The following GABRB1 variants were observed in gnomAD, a reference collection of about 807,000 sequenced individuals.
The protein encoded by GABRB1 is gamma-aminobutyric acid type A receptor subunit beta1, also known as gamma-aminobutyric acid receptor subunit beta-1.
GABRB1 carries 17 observed loss-of-function variants against 51.6 expected under a neutral mutation model. The ratio of observed to expected loss-of-function variants is 0.33; its 90% CI spans 0.23 to 0.49. GABRB1 has a LOEUF of 0.49. Among genes scored for constraint, GABRB1 ranks in the 20% least tolerant of loss-of-function variants. The probability of loss-of-function intolerance (pLI) is 0.99; values close to 1 mark genes in which losing one functional copy is unlikely to be tolerated. For missense variants in GABRB1, 410 were observed against 600.6 expected (o/e 0.68, Z 3.32); for synonymous variants, 247 against 218.9 (o/e 1.13, Z -1.14).
Position 47,332,995 on chromosome 4 carries a change from A to T in GABRB1, c.544+12786A>T, listed in dbSNP as rs577058374. Among the ~76,000 whole-genome samples the T allele has an allele frequency of 2.6e-5, 4 of 151,218 alleles. No homozygotes were observed. The South Asian group carries it at 8.3e-4, about 31-fold the overall frequency. On this transcript the variant is annotated intron_variant, in intron 5 of 8. Transcript: ENST00000295454. ...ACCAATGGACCCTGCCTTACATTAG[A>T]ATTAAGTGCTCCAGCTTAATATTCA...
At chr4:47,007,522 A>G (rs1188223278) in intron 1 of GABRB1, among the ~76,000 whole-genome samples, 1 of 152,216 alleles carries the variant, frequency 6.6e-6, no homozygotes, top group African/African-American at 2.4e-5. Context: ...CTTCACTGAC[A>G]TAGAGAGAAT....
chr4:47,233,297 C>T lies in GABRB1; in HGVS notation c.461+71828C>T, dbSNP rs142128363. Reference sequence around the variant, plus strand: ...ATAAAATGAAGCTAATTGCATCACTCGCTTACTCAAAAACCTCCCTGAACC... The same window carrying T: ...ATAAAATGAAGCTAATTGCATCACTTGCTTACTCAAAAACCTCCCTGAACC... On this transcript the variant is annotated intron_variant, in intron 4 of 8. Coordinates refer to ENST00000295454, the MANE Select transcript of GABRB1 (RefSeq NM_000812.4). Among the ~76,000 whole-genome samples the T allele has an allele frequency of 1.5e-3, 223 of 152,226 alleles. 1 individual carries two copies. The highest frequency in any genetic ancestry group is 5.1e-3 in the African/African-American group (211 of 41,536).
intron 4 of GABRB1, among the ~76,000 whole-genome samples, chr4:47,216,212 T>C (rs542082594): frequency 7.9e-5 from 12 of 152,086 alleles, no homozygotes; most frequent in African/African-American, 2.9e-4. Flanking sequence ...TCCCCTTCAG[T>C]GCATTCAGTT....
intron 5 of GABRB1, among the ~76,000 whole-genome samples, chr4:47,340,818 C>T (rs1725865179): frequency 1.3e-5 from 2 of 152,260 alleles, no homozygotes; most frequent in South Asian, 4.2e-4. Context: ...AAAATTTTCA[C>T]CATCTTTTCT....
intron 3 of GABRB1, among the ~76,000 whole-genome samples, chr4:47,135,078 C>T (rs762092552): frequency 6.6e-5 from 10 of 152,154 alleles, no homozygotes; most frequent in Non-Finnish European, 8.8e-5. Flanking sequence ...TATGATCACA[C>T]CACTGAACTC....
intron 3 of GABRB1, among the ~76,000 whole-genome samples, chr4:47,120,680 A>C (rs1206598207): frequency 2.0e-5 from 3 of 152,098 alleles, no homozygotes; most frequent in Non-Finnish European, 2.9e-5. Context: ...ACAGCTCTTT[A>C]ATCAACAGTT....
chr4:47,050,315 T>C (rs2109505939), intron 3 of GABRB1, among the ~76,000 whole-genome samples: 1 of 152,308 alleles, frequency 6.6e-6, no homozygotes, highest in East Asian at 1.9e-4. Flanking sequence ...GACTTTGTAA[T>C]TGAAATCATC....
intron 1 of GABRB1, among the ~76,000 whole-genome samples, chr4:47,001,334 T>G (rs377301634): frequency 0.017 from 2,552 of 151,708 alleles, 47 homozygotes; most frequent in African/African-American, 0.041. Flanking sequence ...AGTAGAGATG[T>G]GGTTTCACCG....
At chr4:47,019,155 G>C (rs1180175769) in intron 1 of GABRB1, among the ~76,000 whole-genome samples, 1 of 152,112 alleles carries the variant, frequency 6.6e-6, no homozygotes, top group Non-Finnish European at 1.5e-5. Context: ...CTGACTAATG[G>C]TAACTTCCTT....
chr4:47,369,916 AT>A (rs1270263573), intron 5 of GABRB1, among the ~76,000 whole-genome samples: 2 of 152,132 alleles, frequency 1.3e-5, no homozygotes, highest in Non-Finnish European at 2.9e-5. Flanking sequence ...CTATTTTATT[AT>A]TTTTATCTTT....
At chr4:47,314,604 T>C (rs533496830) in intron 4 of GABRB1, among the ~76,000 whole-genome samples, 1 of 152,054 alleles carries the variant, frequency 6.6e-6, no homozygotes, top group East Asian at 1.9e-4. Flanking sequence ...AAATATTGGA[T>C]TCTAATTTTA....
chr4:47,338,388 G>A (rs1413574131), intron 5 of GABRB1, among the ~76,000 whole-genome samples: 1 of 152,188 alleles, frequency 6.6e-6, no homozygotes, highest in Non-Finnish European at 1.5e-5. Context: ...TCCCAAAGTA[G>A]CATTTTTACA....
chr4:47,229,834 G>A (rs1721072770), intron 4 of GABRB1, among the ~76,000 whole-genome samples: 1 of 152,114 alleles, frequency 6.6e-6, no homozygotes, highest in Non-Finnish European at 1.5e-5. Context: ...AGCTATAAGA[G>A]ACAAGAAATG....
intron 5 of GABRB1, among the ~76,000 whole-genome samples, chr4:47,367,124 C>T (rs776670801): frequency 1.3e-5 from 2 of 152,148 alleles, no homozygotes; most frequent in Non-Finnish European, 2.9e-5. Context: ...CTCTGCTTAT[C>T]TGAGCACTGC....
chr4:47,255,150 C>G (rs141153237), intron 4 of GABRB1, among the ~76,000 whole-genome samples: 1 of 152,160 alleles, frequency 6.6e-6, no homozygotes, highest in Non-Finnish European at 1.5e-5. Flanking sequence ...AGTTCCAGTC[C>G]TGACTCTGCT....
At chr4:47,211,039 C>T (rs1720332143) in intron 4 of GABRB1, among the ~76,000 whole-genome samples, 2 of 152,310 alleles carry the variant, frequency 1.3e-5, no homozygotes, top group African/African-American at 4.8e-5. Context: ...TTCTTTGACA[C>T]ATAAGAGGCC....
chr4:47,402,171 G>T (rs1728418886), intron 5 of GABRB1, among the ~76,000 whole-genome samples: 1 of 152,142 alleles, frequency 6.6e-6, no homozygotes, highest in Non-Finnish European at 1.5e-5. Context: ...CTTACATTCT[G>T]CAAGGACAAG....
chr4:47,425,856 C>G lies in GABRB1; in HGVS notation c.1263C>G (p.His421Gln), dbSNP rs41311286. 3.0e-3 allele frequency: 4,814 copies of G among 1,614,120 alleles called. 7 individuals carry two copies. Among genetic ancestry groups the G allele is most frequent in the Non-Finnish European group, 3.6e-3 (4,221 of 1,180,012 alleles). ...CCTACGGGCGCGCCCTGGACCGGCA[C>G]GGGGTACCCAGCAAGGGGCGCATCC... Reference protein sequence around the residue: ...REAYGRALDRHGVPSKGRIRR... With the variant: ...REAYGRALDRQGVPSKGRIRR... Residue 421 changes from histidine to glutamine, a missense_variant, in exon 9 of 9, where the codon CAC (histidine) becomes CAG (glutamine). Coordinates refer to ENST00000295454, the MANE Select transcript of GABRB1 (RefSeq NM_000812.4).
chr4:47,282,879 C>T (rs907648954), intron 4 of GABRB1, among the ~76,000 whole-genome samples: 2 of 152,206 alleles, frequency 1.3e-5, no homozygotes, highest in African/African-American at 4.8e-5. Flanking sequence ...AGAAAGGTGG[C>T]CATGGTACTT....
Sources: allele counts gnomAD v4.1 joint callset (sites outside exome capture counted in the v4.1 genomes callset), GRCh38; gene constraint gnomAD v4.1.1; transcripts MANE v1.5; gene names NCBI Gene and HGNC (gene_info 2026-07-23, HGNC 2026-07-21).